The following ATXN2 variants were observed in gnomAD, a reference collection of about 807,000 sequenced individuals.
ATXN2 encodes the protein ataxin-2.
ATXN2 carries 37 observed loss-of-function variants against 138.6 expected under a neutral mutation model. The observed-to-expected ratio is 0.27, with a 90% CI of 0.21 to 0.35. The LOEUF (loss-of-function observed/expected upper bound fraction) is 0.35, where lower values mean the gene tolerates loss of function less well. Among genes scored for constraint, ATXN2 ranks in the 10% least tolerant of loss-of-function variants. The pLI is 1.00. For synonymous variants in ATXN2, 549 were observed against 543.7 expected (o/e 1.01, Z -0.13); for missense variants, 1,216 against 1,480.3 (o/e 0.82, Z 2.93).
chr12:111,526,912 T>G (rs1840476573), intron 5 of ATXN2, among the ~76,000 whole-genome samples: 1 of 152,310 alleles, frequency 6.6e-6, no homozygotes, highest in Admixed American at 6.5e-5. Flanking sequence ...ATATAACCAC[T>G]CTGCTACAAA....
intron 5 of ATXN2, among the ~76,000 whole-genome samples, chr12:111,526,692 A>G (rs1312619302): frequency 6.6e-6 from 1 of 152,216 alleles, no homozygotes; most frequent in East Asian, 1.9e-4. Context: ...GGTGTGAGCA[A>G]CCATGCCCGG....
chr12:111,509,687 T>A (rs375379963), intron 13 of ATXN2, 68 bp from the exon 14 acceptor site: 2 of 1,002,430 alleles, frequency 2.0e-6, no homozygotes, highest in Admixed American at 5.3e-5. Flanking sequence ...CTTTTTAGTA[T>A]GAGATGATAG....
At chr12:111,554,276 T>C (rs1447090979) in intron 2 of ATXN2, 59 bp from the exon 3 acceptor site, 6 of 1,184,520 alleles carry the variant, frequency 5.1e-6, no homozygotes, top group Non-Finnish European at 6.8e-6. Flanking sequence ...ATCTTCCTCA[T>C]CTAAAATGCT....
rs761609064 is a variant in ATXN2 at position 111,525,311 on chromosome 12, A to G, written c.577T>C (p.Phe193Leu). 6 of 1,580,412 alleles carry G rather than the reference A, an allele frequency of 3.8e-6. No individual in the cohort carries two copies. The African/African-American group carries it at 8.1e-5, about 21-fold the overall frequency. The change falls in exon 6 of 25, where the codon TTT becomes CTT. Residue 193 changes from phenylalanine (F) to leucine (L), a missense_variant. By Grantham distance (22) the Phe-to-Leu change is conservative. Transcript: ENST00000673436. ...TTAGCACTGATAGCAGAGTCAGTAA[A>G]AGCATCTGCAAAGAATGGTTTTGGT... ...MDSSYAKRDAFTDSAISAKVN... is the reference protein window; with the variant it reads ...MDSSYAKRDALTDSAISAKVN...
chr12:111,526,355 A>G (rs928710589), intron 5 of ATXN2, among the ~76,000 whole-genome samples: 4 of 145,914 alleles, frequency 2.7e-5, no homozygotes, highest in Non-Finnish European at 4.5e-5. Context: ...ACCCTGTCTC[A>G]AAAAAAAAAA....
chr12:111,598,954 C>CTGCTGCTGCTGCTGT lies in ATXN2; in HGVS notation c.80_81insACAGCAGCAGCAGCA (p.Gln24_Gln28dup). On this transcript the variant is annotated inframe_insertion, in exon 1 of 25. Coordinates refer to ENST00000673436, the MANE Select transcript of ATXN2 (RefSeq NM_001372574.1). The surrounding 1 kb of genome is among the most constrained non-coding windows in gnomAD (Gnocchi z 4.5). ...CATTGGCAGCCGCGGGCGGCGGCTGCTGCTGCTGCTGCTGCTGCTGCTGTT... is the reference window on the plus strand; with the variant it reads ...CATTGGCAGCCGCGGGCGGCGGCTGCTGCTGCTGCTGCTGTTGCTGCTGCTGCTGCTGCTGCTGTT... 2 of 701,934 alleles carry CTGCTGCTGCTGCTGT rather than the reference C, an allele frequency of 2.8e-6. No homozygotes were observed. The highest frequency in any genetic ancestry group is 4.2e-6 in the Non-Finnish European group (2 of 476,814). 43.5% of individuals were successfully genotyped at this position (701,934 alleles called of 1,614,324 possible).
At chr12:111,465,681 A>C (rs1316499305) in intron 20 of ATXN2, among the ~76,000 whole-genome samples, 1 of 148,284 alleles carries the variant, frequency 6.7e-6, no homozygotes, top group Non-Finnish European at 1.5e-5. Context: ...GAGGCAGAAA[A>C]ACCGCTTGAA....
At chr12:111,539,561 C>A (rs1385929755) in intron 5 of ATXN2, among the ~76,000 whole-genome samples, 1 of 149,960 alleles carries the variant, frequency 6.7e-6, no homozygotes, top group Non-Finnish European at 1.5e-5. Context: ...CCTTGGCTAA[C>A]ACGGTGAAAC....
At chr12:111,493,033 A>G (rs1257742525) in intron 14 of ATXN2, among the ~76,000 whole-genome samples, 2 of 152,196 alleles carry the variant, frequency 1.3e-5, no homozygotes, top group Admixed American at 6.5e-5. Flanking sequence ...GAAAAATTCA[A>G]TTGACAAACT....
At chr12:111,554,718 T>G (rs1260336432) in intron 2 of ATXN2, among the ~76,000 whole-genome samples, 1 of 152,066 alleles carries the variant, frequency 6.6e-6, no homozygotes, top group Non-Finnish European at 1.5e-5. Flanking sequence ...TGAAAAGTGA[T>G]TTGAGGGATT....
At position 111,457,356 on chromosome 12, in the gene ATXN2, G is replaced by C. The variant is rs779534880; in HGVS notation, c.2900C>G (p.Ser967Cys). The C allele has an allele frequency of 1.0e-5, 16 of 1,607,306 alleles. No individual in the cohort carries two copies. The Admixed American group carries it at 1.5e-4, about 15-fold the overall frequency. Residue 967 changes from serine (S) to cysteine (C), a missense_variant, in exon 22 of 25, where the codon TCC (serine) becomes TGC (cysteine). This residue lies in a region of ATXN2 where 490 missense variants were observed against 653.5 expected (regional missense o/e 0.75). Transcript: ENST00000673436. ...ETSPSFYFAI[S>C]TGSLAQQYAH... is the part of the protein sequence containing the mutation. Reference sequence around the variant, plus strand: ...ATACTGCTGAGCAAGGGAGCCCGTGGAAACTAAAGTGAAAGAAAAAGGAGC... The same window carrying C: ...ATACTGCTGAGCAAGGGAGCCCGTGCAAACTAAAGTGAAAGAAAAAGGAGC...
intron 3 of ATXN2, among the ~76,000 whole-genome samples, chr12:111,553,572 CAAAAA>C (rs757837884): frequency 0.022 from 1,076 of 48,844 alleles, 49 homozygotes; most frequent in African/African-American, 0.083. Flanking sequence ...TCTTTTTTCT[CAAAAA>C]AAAAAAAAAA....
At chr12:111,585,628 A>C (rs1166002935) in intron 1 of ATXN2, among the ~76,000 whole-genome samples, 2 of 151,816 alleles carry the variant, frequency 1.3e-5, no homozygotes, top group African/African-American at 4.8e-5. Context: ...AAAATGGGGA[A>C]ACCCCGTCTC....
intron 18 of ATXN2, among the ~76,000 whole-genome samples, chr12:111,474,939 C>T (rs933592126): frequency 6.8e-6 from 1 of 147,856 alleles, no homozygotes; most frequent in Non-Finnish European, 1.5e-5. Context: ...CAAGGCCGGG[C>T]GCAGTGGCTC....
chr12:111,520,155 AAAGTTTAGAGTTT>A, intron 7 of ATXN2, 79 bp from the exon 8 acceptor site: 1 of 1,521,810 alleles, frequency 6.6e-7, no homozygotes, highest in Non-Finnish European at 8.9e-7. Flanking sequence ...AACTACTAAG[AAAGTTTAGAGTTT>A]AGAATACTGG....
intron 1 of ATXN2, among the ~76,000 whole-genome samples, chr12:111,562,613 G>A (rs1034554490): frequency 2.6e-5 from 4 of 151,162 alleles, no homozygotes; most frequent in African/African-American, 7.3e-5. Context: ...CCAGCTACTC[G>A]GGAGGCTGAC....
chr12:111,470,513 T>G (rs745994468), intron 19 of ATXN2, 45 bp downstream of exon 19: 49 of 1,591,394 alleles, frequency 3.1e-5, no homozygotes, highest in African/African-American at 5.4e-5. Flanking sequence ...TTAAAAGTTT[T>G]TTTATATGGT....
chr12:111,513,684 A>C (rs973402770), intron 10 of ATXN2, 145 bp from the exon 11 acceptor site: 60 of 644,966 alleles, frequency 9.3e-5, no homozygotes, highest in Non-Finnish European at 1.2e-4. Flanking sequence ...AAAAAAAAAA[A>C]CACCATACAT....
chr12:111,490,046 TA>T (rs149496582), intron 14 of ATXN2, among the ~76,000 whole-genome samples: 134 of 142,834 alleles, frequency 9.4e-4, no homozygotes, highest in Middle Eastern at 3.6e-3. Flanking sequence ...CTACTAAAGA[TA>T]AAAAAAAAAA....
Sources: gnomAD v4.1 joint callset for allele counts (sites outside exome capture counted in the v4.1 genomes callset) on GRCh38, gnomAD v4.1.1 for gene constraint, gnomAD v4.1.1 regional missense constraint, Gnocchi (gnomAD v3.1) non-coding constraint, MANE v1.5 for transcripts, NCBI Gene and HGNC (gene_info 2026-07-23, HGNC 2026-07-21) for gene names.